PCDHGA7: variants seen among roughly 807,000 people sequenced by gnomAD.
The protein encoded by PCDHGA7 is protocadherin gamma-A7.
Under a neutral mutation model 58.3 loss-of-function variants are expected in PCDHGA7, and 44 were observed. That is an observed-to-expected ratio of 0.75 (90% confidence interval 0.59 to 0.97). The LOEUF is 0.97. PCDHGA7 is among the 50% of genes least tolerant of loss of function. The pLI, the probability that PCDHGA7 is intolerant of heterozygous loss-of-function variation, is 0.00. For missense variants in PCDHGA7, 1,266 were observed against 1,188.7 expected (o/e 1.06, Z -0.96); for synonymous variants, 516 against 504.2 (o/e 1.02, Z -0.31).
At chr5:141,405,955 CCTG>C (rs1293666113) in intron 1 of PCDHGA7, among the ~76,000 whole-genome samples, 4 of 152,056 alleles carry the variant, frequency 2.6e-5, no homozygotes, top group African/African-American at 9.7e-5. Context: ...TAATAATTAA[CCTG>C]CTGTCAACGT....
chr5:141,409,171 C>G, intron 1 of PCDHGA7: 1 of 1,613,962 alleles, frequency 6.2e-7, no homozygotes, highest in South Asian at 1.1e-5. Flanking sequence ...AAGCGAAGGA[C>G]GGAGGTGGTC....
intron 1 of PCDHGA7, among the ~76,000 whole-genome samples, chr5:141,463,302 A>T (rs2099056422): frequency 6.6e-6 from 1 of 151,090 alleles, no homozygotes; most frequent in Non-Finnish European, 1.5e-5. Context: ...ATCTCCCCAA[A>T]CTCTAATATC....
At position 141,485,301 on chromosome 5, in the gene PCDHGA7, C is replaced by T; in HGVS notation, c.2425-9506C>T. 1 of 1,614,124 alleles carries T rather than the reference C, an allele frequency of 6.2e-7. No homozygotes were observed. The highest frequency in any genetic ancestry group is 1.1e-5 in the South Asian group (1 of 91,082). The stretch of plus-strand genomic sequence containing the variant: ...GTCCCAGAGGAGTCACAGGAAGGGA[C>T]TTTTGTAGGGAATGTCGCTCAAGAT... On this transcript the variant is annotated intron_variant, in intron 1 of 3. Coordinates refer to ENST00000518325, the MANE Select transcript of PCDHGA7 (RefSeq NM_018920.4). This position sits in a 1 kb window ranked among gnomAD's most constrained non-coding sequence, Gnocchi z 5.7.
At chr5:141,495,852 TCTCA>T (rs1473070626) in intron 2 of PCDHGA7, among the ~76,000 whole-genome samples, 1 of 152,174 alleles carries the variant, frequency 6.6e-6, no homozygotes, top group Non-Finnish European at 1.5e-5. Flanking sequence ...TTTCTCTGTC[TCTCA>T]CTATTTCTGC....
chr5:141,395,589 T>C (rs1254958503), intron 1 of PCDHGA7: 2 of 194,644 alleles, frequency 1.0e-5, no homozygotes, highest in Admixed American at 1.2e-4. Context: ...TGTGTGTGTG[T>C]GTATCCCAAA....
intron 1 of PCDHGA7, chr5:141,403,819 T>A (rs1264553327): frequency 1.2e-6 from 2 of 1,613,784 alleles, no homozygotes; most frequent in Admixed American, 3.3e-5. Flanking sequence ...AAAAACAATC[T>A]CTGCTATTCC....
At position 141,431,176 on chromosome 5, in the gene PCDHGA7, A is replaced by G; in HGVS notation, c.2424+45853A>G. On this transcript the variant is annotated intron_variant, in intron 1 of 3. Coordinates refer to ENST00000518325, the MANE Select transcript of PCDHGA7 (RefSeq NM_018920.4). The surrounding 1 kb of genome is among the most constrained non-coding windows in gnomAD (Gnocchi z 4.8). Reference sequence around the variant, plus strand: ...CTTACTTTCGTGAAAGTGAATTAGAAATAAAAATTAGTGAAAATGCAGCCA... The same window carrying G: ...CTTACTTTCGTGAAAGTGAATTAGAGATAAAAATTAGTGAAAATGCAGCCA... The G allele has an allele frequency of 1.2e-6, 2 of 1,614,212 alleles. No individual in the cohort carries two copies. Among genetic ancestry groups the G allele is most frequent in the Non-Finnish European group, 1.7e-6 (2 of 1,180,032 alleles).
Position 141,432,097 on chromosome 5 carries a change from C to A in PCDHGA7, c.2424+46774C>A. The A allele has an allele frequency of 1.9e-6, 3 of 1,614,184 alleles. No individual in the cohort carries two copies. Among genetic ancestry groups the A allele is most frequent in the Non-Finnish European group, 1.7e-6 (2 of 1,180,034 alleles). On this transcript the variant is annotated intron_variant, in intron 1 of 3. Transcript: ENST00000518325. This position sits in a 1 kb window ranked among gnomAD's most constrained non-coding sequence, Gnocchi z 6.0. ...TCTCGCTGAACGTGGCAGACACCAA[C>A]GACAACCCGCCGGTCTTCCCTCAGG...
intron 1 of PCDHGA7, among the ~76,000 whole-genome samples, chr5:141,461,233 G>T (rs2099011336): frequency 6.6e-6 from 1 of 152,028 alleles, no homozygotes; most frequent in East Asian, 1.9e-4. Context: ...CATAGAGGTT[G>T]TACTAATTTA....
chr5:141,389,320 TG>T (rs764190187), intron 1 of PCDHGA7: 2 of 1,613,848 alleles, frequency 1.2e-6, no homozygotes, highest in Non-Finnish European at 1.7e-6. Flanking sequence ...GATCCGGACT[TG>T]GGGCCCAACG....
chr5:141,460,511 AT>A (rs937107682), intron 1 of PCDHGA7, among the ~76,000 whole-genome samples: 2 of 152,168 alleles, frequency 1.3e-5, no homozygotes, highest in African/African-American at 4.8e-5. Flanking sequence ...TGAGAAGGCT[AT>A]CTTTTCCCCA....
chr5:141,503,556 G>A (rs1021346255), intron 2 of PCDHGA7, among the ~76,000 whole-genome samples: 1 of 145,962 alleles, frequency 6.9e-6, no homozygotes, highest in East Asian at 2.0e-4. Context: ...CCGAGATCGC[G>A]CCACTGTACT....
chr5:141,455,795 C>T (rs1251703490), intron 1 of PCDHGA7, among the ~76,000 whole-genome samples: 1 of 151,960 alleles, frequency 6.6e-6, no homozygotes, highest in African/African-American at 2.4e-5. Flanking sequence ...TCCGGAGATG[C>T]TTTAAAAAAT....
Position 141,383,616 on chromosome 5 carries a change from G to A in PCDHGA7, c.717G>A (p.Thr239=), listed in dbSNP as rs750574958. ...QVTVVDVNDH[T]PVFSLPQYQV... ...CAGTGGTGGATGTGAATGACCACACGCCTGTCTTCTCTCTGCCTCAGTACC... is the reference window on the plus strand; with the variant it reads ...CAGTGGTGGATGTGAATGACCACACACCTGTCTTCTCTCTGCCTCAGTACC... Residue 239 remains threonine (T), a synonymous_variant, in exon 1 of 4, where the codon ACG becomes ACA. Transcript: ENST00000518325. 2.5e-6 allele frequency: 4 copies of A among 1,613,808 alleles called. No homozygotes were observed. Among genetic ancestry groups the A allele is most frequent in the Non-Finnish European group, 3.4e-6 (4 of 1,179,888 alleles).
chr5:141,434,838 A>G (rs1363952147), intron 1 of PCDHGA7, among the ~76,000 whole-genome samples: 1 of 152,022 alleles, frequency 6.6e-6, no homozygotes, highest in Non-Finnish European at 1.5e-5. Context: ...GGCATTTATA[A>G]AGCAGACATC....
chr5:141,393,730 G>C lies in PCDHGA7; in HGVS notation c.2424+8407G>C, dbSNP rs546435108. On this transcript the variant is annotated intron_variant, in intron 1 of 3. Transcript: ENST00000518325. The stretch of plus-strand genomic sequence containing the variant: ...ACTGGGGAAATATCAATAGCAAAAA[G>C]TCTAGATTATGAAGAATGTTCATTT... 3 of 1,613,844 alleles carry C rather than the reference G, an allele frequency of 1.9e-6. No individual in the cohort carries two copies. In the South Asian group the frequency reaches 3.3e-5, roughly 18 times the overall value.
intron 3 of PCDHGA7, 94 bp downstream of exon 3, chr5:141,505,575 C>T: frequency 6.3e-7 from 1 of 1,592,302 alleles, no homozygotes. Context: ...GATGTCAAAC[C>T]TGTGTAGTTT....
chr5:141,500,051 C>A (rs991931153), intron 2 of PCDHGA7, among the ~76,000 whole-genome samples: 1 of 151,988 alleles, frequency 6.6e-6, no homozygotes, highest in Non-Finnish European at 1.5e-5. Context: ...TATCTTAATG[C>A]TCTTTTAATG....
Position 141,382,890 on chromosome 5 carries a change from C to A in PCDHGA7, c.-10C>A. 2 of 1,532,810 alleles carry A rather than the reference C, an allele frequency of 1.3e-6. No homozygotes were observed. Among genetic ancestry groups the A allele is most frequent in the Non-Finnish European group, 1.8e-6 (2 of 1,141,880 alleles). The allele number at this position is 1,532,810 out of a possible 1,614,324, so 95.0% of individuals were successfully genotyped here. A position where few individuals can be genotyped will look rare whatever the true frequency, so the allele number is the denominator to read the frequency against. On this transcript the variant is annotated 5_prime_UTR_variant, in exon 1 of 4. Transcript: ENST00000518325. Reference sequence around the variant, plus strand: ...GAGATCGGCGCCTAAGCAAGAGAAGCAGGACGACTATGGCGGCTCAGCCGA... The same window carrying A: ...GAGATCGGCGCCTAAGCAAGAGAAGAAGGACGACTATGGCGGCTCAGCCGA...
Sources: gnomAD v4.1 joint callset for allele counts (sites outside exome capture counted in the v4.1 genomes callset) on GRCh38, gnomAD v4.1.1 for gene constraint, Gnocchi (gnomAD v3.1) non-coding constraint, MANE v1.5 for transcripts, NCBI Gene and HGNC (gene_info 2026-07-23, HGNC 2026-07-21) for gene names.